MYH8: variants seen among roughly 807,000 people sequenced by gnomAD.
MYH8 encodes the protein myosin-8.
MYH8 carries 168 observed loss-of-function variants against 233.2 expected under a neutral mutation model. That is an observed-to-expected ratio of 0.72 (90% confidence interval 0.64 to 0.82). MYH8 has a LOEUF of 0.82. Among genes scored for constraint, MYH8 ranks in the 40% least tolerant of loss-of-function variants. MYH8 has a pLI of 0.00. For synonymous variants in MYH8, 785 were observed against 850.6 expected (o/e 0.92, Z 1.34); for missense variants, 1,995 against 2,327.8 (o/e 0.86, Z 2.94).
intron 39 of MYH8, among the ~76,000 whole-genome samples, chr17:10,391,666 C>T (rs778223836): frequency 1.6e-4 from 24 of 152,026 alleles, no homozygotes; most frequent in African/African-American, 2.9e-4. Flanking sequence ...GGTGACACAG[C>T]GAGGCTCTGT....
chr17:10,418,735 C>G lies in MYH8; in HGVS notation c.421G>C (p.Val141Leu). 2 of 1,613,926 alleles carry G rather than the reference C, an allele frequency of 1.2e-6. No individual in the cohort carries two copies. Among genetic ancestry groups the G allele is most frequent in the Non-Finnish European group, 1.7e-6 (2 of 1,179,864 alleles). The change falls in exon 5 of 40, where the codon GTG (valine) becomes CTG (leucine). Residue 141 changes from valine (V) to leucine (L), a missense_variant. Transcript: ENST00000403437. ...TTTTTGCCTCTGTAGGCAGCCACCA[C>G]CTCGGGCTTGTACACCGGCAGCCAC... is the stretch of plus-strand genomic sequence containing the variant. ...YKWLPVYKPE[V>L]VAAYRGKKRQ... is the part of the protein sequence containing the mutation.
At chr17:10,397,161 C>T (rs1004307150) in intron 30 of MYH8, among the ~76,000 whole-genome samples, 175 bp from the exon 31 acceptor site, 1 of 152,154 alleles carries the variant, frequency 6.6e-6, no homozygotes, top group Admixed American at 6.5e-5. Context: ...TCGGTCACTG[C>T]GACCTCCCGG....
At chr17:10,404,300 C>T (rs779276072) in intron 22 of MYH8, 30 bp downstream of exon 22, 19 of 1,613,550 alleles carry the variant, frequency 1.2e-5, no homozygotes, top group Non-Finnish European at 1.5e-5. Flanking sequence ...GCTTCAGTAA[C>T]ATGGTGCATT....
intron 5 of MYH8, 30 bp downstream of exon 5, chr17:10,418,615 T>C (rs1567690611): frequency 1.2e-6 from 2 of 1,613,276 alleles, no homozygotes; most frequent in East Asian, 2.2e-5. Flanking sequence ...TATTTACACA[T>C]TTCTGTAAAT....
chr17:10,397,140 G>C (rs1351453345), intron 30 of MYH8, among the ~76,000 whole-genome samples, 154 bp from the exon 31 acceptor site: 1 of 152,198 alleles, frequency 6.6e-6, no homozygotes, highest in Non-Finnish European at 1.5e-5. Context: ...CTGGAGTGCA[G>C]TGGTGCAATC....
In MYH8 at chr17:10,419,059, TTTTG is replaced by T. The variant is rs773900185; in HGVS notation, c.211-33_211-30del. On this transcript the variant is annotated intron_variant, in intron 3 of 39. Coordinates refer to ENST00000403437, the MANE Select transcript of MYH8 (RefSeq NM_002472.3). The surrounding 1 kb of genome is among the most constrained non-coding windows in gnomAD (Gnocchi z 4.0). Reference sequence around the variant, plus strand: ...GTGAGTAAGCAAGAAACCAGTTCGTTTTTGTTTGTTTGTTTGAGATAGAGTTTTG... The same window carrying T: ...GTGAGTAAGCAAGAAACCAGTTCGTTTTTGTTTGTTTGAGATAGAGTTTTG... 2.8e-4 allele frequency: 459 copies of T among 1,613,750 alleles called. No individual in the cohort carries two copies. Among genetic ancestry groups the T allele is most frequent in the Admixed American group, 8.5e-4 (51 of 60,004 alleles).
chr17:10,404,294 C>T (rs1567685179), intron 22 of MYH8, 36 bp downstream of exon 22: 3 of 1,613,192 alleles, frequency 1.9e-6, no homozygotes, highest in Non-Finnish European at 2.5e-6. Flanking sequence ...AAAAAAGCTT[C>T]AGTAACATGG....
At position 10,396,416 on chromosome 17, in the gene MYH8, C is replaced by T. The variant is rs1324442337; in HGVS notation, c.4567G>A (p.Gly1523Arg). The change falls in exon 33 of 40, where the codon GGA becomes AGA. Residue 1523 changes from glycine (G) to arginine (R), a missense_variant. Coordinates refer to ENST00000403437, the MANE Select transcript of MYH8 (RefSeq NM_002472.3). This position sits in a 1 kb window ranked among gnomAD's most constrained non-coding sequence, Gnocchi z 4.2. ...TTCTCCAATTCATGAATTTGCTTTCCTCCCTCTGCAATCTGCTCAGTGAGG... is the reference window on the plus strand; with the variant it reads ...TTCTCCAATTCATGAATTTGCTTTCTTCCCTCTGCAATCTGCTCAGTGAGG... ...SDLTEQIAEG[G>R]KQIHELEKIK... 6.2e-7 allele frequency: 1 copy of T among 1,614,014 alleles called. No homozygotes were observed. The highest frequency in any genetic ancestry group is 2.2e-5 in the East Asian group (1 of 44,880).
At chr17:10,412,991 T>C (rs1215784604) in intron 12 of MYH8, among the ~76,000 whole-genome samples, 2 of 152,356 alleles carry the variant, frequency 1.3e-5, no homozygotes, top group East Asian at 3.9e-4. Flanking sequence ...TATTGCCGTC[T>C]TGCAGTTTTT....
intron 22 of MYH8, among the ~76,000 whole-genome samples, chr17:10,402,631 G>GCA (rs147224739): frequency 0.11 from 15,751 of 149,764 alleles, 1,037 homozygotes; most frequent in East Asian, 0.27. Flanking sequence ...ACATGTGCAC[G>GCA]CACACACACA....
intron 5 of MYH8, among the ~76,000 whole-genome samples, chr17:10,416,351 C>T (rs886572396): frequency 6.6e-6 from 1 of 152,144 alleles, no homozygotes; most frequent in African/African-American, 2.4e-5. Context: ...ATCCATTCAT[C>T]TGTTGATGGA....
chr17:10,406,661 G>T (rs576586980), intron 19 of MYH8, 29 bp downstream of exon 19: 2 of 1,567,962 alleles, frequency 1.3e-6, no homozygotes, highest in South Asian at 1.1e-5. Context: ...AATTCACAGT[G>T]TTAATGAAAT....
At chr17:10,392,016 G>T in intron 38 of MYH8, 39 bp from the exon 39 acceptor site, 1 of 1,533,112 alleles carries the variant, frequency 6.5e-7, no homozygotes, top group Non-Finnish European at 9.0e-7. Context: ...TCATTCCGAA[G>T]AGATAAGGCT....
Position 10,412,509 on chromosome 17 carries a change from G to A in MYH8, c.1277C>T (p.Ala426Val), listed in dbSNP as rs150633264. 2.5e-5 allele frequency: 40 copies of A among 1,614,190 alleles called. 1 individual carries two copies. Among genetic ancestry groups the A allele is most frequent in the South Asian group, 9.9e-5 (9 of 91,076 alleles). ...KGQTVQQVYNAVGALAKAVYE... is the reference protein window; with the variant it reads ...KGQTVQQVYNVVGALAKAVYE... ...GACGGCTTTGGCCAGAGCACCCACC[G>A]CATTGTACACCTTCACAGATAGAGT... Residue 426 changes from alanine (A) to valine (V), a missense_variant, in exon 14 of 40, where the codon GCG (alanine) becomes GTG (valine). Coordinates refer to ENST00000403437, the MANE Select transcript of MYH8 (RefSeq NM_002472.3).
chr17:10,420,081 A>G lies in MYH8; in HGVS notation c.147T>C (p.Tyr49=). ...CTTTGCTTTGTATAGTGCTCTTCAC[A>G]TAGGATTCCTTGGGCTCCGCCACAA... is the stretch of plus-strand genomic sequence containing the variant. ...SVFVAEPKES[Y]VKSTIQSKEG... The change falls in exon 3 of 40, where the codon TAT becomes TAC. Residue 49 remains tyrosine, a synonymous_variant. Coordinates refer to ENST00000403437, the MANE Select transcript of MYH8 (RefSeq NM_002472.3). 2 of 1,614,206 alleles carry G rather than the reference A, an allele frequency of 1.2e-6. No homozygotes were observed. The highest frequency in any genetic ancestry group is 1.7e-6 in the Non-Finnish European group (2 of 1,180,038).
At chr17:10,406,490 G>C (rs996162249) in intron 19 of MYH8, 93 bp from the exon 20 acceptor site, 4 of 1,570,998 alleles carry the variant, frequency 2.5e-6, no homozygotes, top group Non-Finnish European at 3.5e-6. Context: ...ACATCTGAGA[G>C]TAGAAATAAA....
Position 10,414,374 on chromosome 17 carries a change from G to A in MYH8, c.904+12C>T. ...TATTAACTTCTATCTATGACTTTAAGTTCTTTCTTACCAATTAGATCTGGC... is the reference window on the plus strand; with the variant it reads ...TATTAACTTCTATCTATGACTTTAAATTCTTTCTTACCAATTAGATCTGGC... On this transcript the variant is annotated intron_variant, in intron 10 of 39. Transcript: ENST00000403437. 6.2e-7 allele frequency: 1 copy of A among 1,603,304 alleles called. No homozygotes were observed. Among genetic ancestry groups the A allele is most frequent in the Non-Finnish European group, 8.5e-7 (1 of 1,170,260 alleles).
chr17:10,391,212 G>A lies in MYH8; in HGVS notation c.5665-609C>T, dbSNP rs577713991. Among the ~76,000 whole-genome samples the A allele has an allele frequency of 1.8e-4, 27 of 152,202 alleles. 1 individual carries two copies. Among genetic ancestry groups the A allele is most frequent in the Admixed American group, 1.7e-3 (26 of 15,284 alleles). On this transcript the variant is annotated intron_variant, in intron 39 of 39. Transcript: ENST00000403437. The stretch of plus-strand genomic sequence containing the variant: ...CACTAGTGGTGAGTGAAGAAGTCAG[G>A]TGGGGTAAAAGATTGATGTTTGGCT...
In MYH8 at chr17:10,396,205, T is replaced by C. The variant is rs1029967997; in HGVS notation, c.4653+125A>G. The C allele has an allele frequency of 3.5e-6, 4 of 1,149,088 alleles. No individual in the cohort carries two copies. Among genetic ancestry groups the C allele is most frequent in the Non-Finnish European group, 5.0e-6 (4 of 801,758 alleles). The allele number at this position is 1,149,088 out of a possible 1,614,324, so 71.2% of individuals were successfully genotyped here. Reference sequence around the variant, plus strand: ...TCAGAGTATTTACATTTTTAAGGATTTTGATAACTATTGCCAAGTTGTCCT... The same window carrying C: ...TCAGAGTATTTACATTTTTAAGGATCTTGATAACTATTGCCAAGTTGTCCT... On this transcript the variant is annotated intron_variant, in intron 33 of 39. Coordinates refer to ENST00000403437, the MANE Select transcript of MYH8 (RefSeq NM_002472.3). The surrounding 1 kb of genome is among the most constrained non-coding windows in gnomAD (Gnocchi z 4.2).
Sources: gnomAD v4.1 joint callset for allele counts (sites outside exome capture counted in the v4.1 genomes callset) on GRCh38, gnomAD v4.1.1 for gene constraint, Gnocchi (gnomAD v3.1) non-coding constraint, MANE v1.5 for transcripts, NCBI Gene and HGNC (gene_info 2026-07-23, HGNC 2026-07-21) for gene names.